Variants in ZSWIM4 observed in about 807,000 individuals in gnomAD.
ZSWIM4 encodes the protein zinc finger SWIM-type containing 4.
ZSWIM4 carries 62 observed loss-of-function variants against 102.5 expected under a neutral mutation model. The observed-to-expected ratio is 0.60, with a 90% CI of 0.49 to 0.75. ZSWIM4 has a LOEUF of 0.75. Ranked by LOEUF, ZSWIM4 falls within the 30% of genes least tolerant of loss-of-function variation. The pLI is 0.00. For missense variants in ZSWIM4, 1,280 were observed against 1,529.6 expected, an observed-to-expected ratio of 0.84 and a Z score of 2.72; for synonymous variants, 652 against 674.5, an observed-to-expected ratio of 0.97 and a Z score of 0.52.
At chr19:13,828,550 T>A in intron 12 of ZSWIM4, 95 bp from the exon 13 acceptor site, 2 of 1,074,644 alleles carry the variant, frequency 1.9e-6, no homozygotes, top group Non-Finnish European at 2.8e-6. Context: ...AGCTTTAACC[T>A]CCAAGTGTTT....
chr19:13,817,869 A>C lies in ZSWIM4; in HGVS notation c.1817A>C (p.Asp606Ala). 1 of 1,555,218 alleles carries C rather than the reference A, an allele frequency of 6.4e-7. No individual in the cohort carries two copies. The highest frequency in any genetic ancestry group is 2.4e-5 in the East Asian group (1 of 41,774). ...RALPEGLYAQ[D>A]KVVRNEEQLL... is the part of the protein sequence containing the mutation. ...CTGCCGGAGGGGCTGTACGCCCAGG[A>C]CAAGGTGGTGCGCAACGAGGAGCAG... Residue 606 changes from aspartate (D) to alanine (A), a missense_variant, in exon 9 of 14, where the codon GAC (aspartate) becomes GCC (alanine). Coordinates refer to ENST00000590508, the MANE Select transcript of ZSWIM4 (RefSeq NM_001367834.3).
chr19:13,826,799 T>C (rs1431817189), intron 12 of ZSWIM4, among the ~76,000 whole-genome samples: 1 of 151,810 alleles, frequency 6.6e-6, no homozygotes, highest in Non-Finnish European at 1.5e-5. Flanking sequence ...ATGCAGGGCC[T>C]GCAACTGAGT....
intron 2 of ZSWIM4, among the ~76,000 whole-genome samples, chr19:13,801,353 C>T (rs1011112669): frequency 5.3e-5 from 8 of 151,982 alleles, no homozygotes; most frequent in Non-Finnish European, 8.8e-5. Context: ...AGTAGTGAGA[C>T]GGAGAGAAGA....
chr19:13,811,597 A>C (rs1305297189), intron 5 of ZSWIM4, among the ~76,000 whole-genome samples: 1 of 152,254 alleles, frequency 6.6e-6, no homozygotes, highest in East Asian at 1.9e-4. Flanking sequence ...TGGAAGGCTG[A>C]GTGAGGCAGG....
At chr19:13,796,706 A>G (rs1020825049) in intron 1 of ZSWIM4, 4 of 152,288 alleles carry the variant, frequency 2.6e-5, no homozygotes, top group African/African-American at 9.7e-5. Context: ...TTCTGGTGGC[A>G]CTGACAGGAT....
At position 13,831,405 on chromosome 19, in the gene ZSWIM4, C is replaced by T. The variant is rs924502757; in HGVS notation, c.*355C>T. 4 of 214,784 alleles carry T rather than the reference C, an allele frequency of 1.9e-5. No homozygotes were observed. Among genetic ancestry groups the T allele is most frequent in the Admixed American group, 5.6e-5 (1 of 17,888 alleles). The allele number at this position is 214,784 out of a possible 1,614,324, so 13.3% of individuals were successfully genotyped here. A position where few individuals can be genotyped will look rare whatever the true frequency, so the allele number is the denominator to read the frequency against. On this transcript the variant is annotated 3_prime_UTR_variant, in exon 14 of 14. Transcript: ENST00000590508. ...CTGGGAGGCAGGACTTTCCAGAAAT[C>T]GACCCTCTAAGTCAATGTAGCACAT...
intron 1 of ZSWIM4, among the ~76,000 whole-genome samples, chr19:13,797,973 T>G (rs1974656170): frequency 6.6e-6 from 1 of 152,202 alleles, no homozygotes; most frequent in African/African-American, 2.4e-5. Context: ...TATAATGTTT[T>G]AAGAAAGCTT....
chr19:13,826,160 A>C (rs1444020503), intron 12 of ZSWIM4, among the ~76,000 whole-genome samples: 1 of 152,098 alleles, frequency 6.6e-6, no homozygotes, highest in Admixed American at 6.5e-5. Flanking sequence ...TATTAATAGA[A>C]TCCGTCTATG....
rs994905599 is a variant in ZSWIM4 at position 13,814,884 on chromosome 19, C to T, written c.1531+19C>T. 5.8e-6 allele frequency: 7 copies of T among 1,210,896 alleles called. No individual in the cohort carries two copies. The highest frequency in any genetic ancestry group is 2.3e-4 in the Middle Eastern group (1 of 4,278). The allele number at this position is 1,210,896 out of a possible 1,614,324, so 75.0% of individuals were successfully genotyped here. A position where few individuals can be genotyped will look rare whatever the true frequency, so the allele number is the denominator to read the frequency against. ...AAAAAAGGTCAGCCTCAGCCGGGCA[C>T]GGGGGCTCGCACCTGTGATCCCAGC... On this transcript the variant is annotated intron_variant, in intron 7 of 13. Coordinates refer to ENST00000590508, the MANE Select transcript of ZSWIM4 (RefSeq NM_001367834.3).
chr19:13,831,182 G>A lies in ZSWIM4; in HGVS notation c.*132G>A. 8.3e-7 allele frequency: 1 copy of A among 1,210,410 alleles called. No individual in the cohort carries two copies. Among genetic ancestry groups the A allele is most frequent in the Non-Finnish European group, 1.1e-6 (1 of 886,470 alleles). 75.0% of individuals were successfully genotyped at this position (1,210,410 alleles called of 1,614,324 possible). ...GGAGCCCGGCTGGAGATGGGGGCAG[G>A]GGGAGCAGCATCCTGCCACGTGTGT... On this transcript the variant is annotated 3_prime_UTR_variant, in exon 14 of 14. Coordinates refer to ENST00000590508, the MANE Select transcript of ZSWIM4 (RefSeq NM_001367834.3).
intron 11 of ZSWIM4, among the ~76,000 whole-genome samples, chr19:13,824,850 G>T (rs1177231836): frequency 6.6e-6 from 1 of 151,900 alleles, no homozygotes; most frequent in East Asian, 1.9e-4. Context: ...ACCCTGTGAG[G>T]TGGGTTCCAT....
chr19:13,802,207 A>G (rs986031918), intron 2 of ZSWIM4, among the ~76,000 whole-genome samples: 1 of 149,174 alleles, frequency 6.7e-6, no homozygotes, highest in African/African-American at 2.5e-5. Context: ...CGATCTCCTG[A>G]CCTAGTGATC....
rs547902221 is a variant in ZSWIM4, at chr19:13,825,655, C to T, written c.2321C>T (p.Pro774Leu). 9.3e-6 allele frequency: 15 copies of T among 1,613,452 alleles called. No individual in the cohort carries two copies. The highest frequency in any genetic ancestry group is 4.0e-5 in the African/African-American group (3 of 74,952). ...LAQDACKTAT[P>L]VSAPPDTTLL... ...CAGGACGCCTGCAAGACAGCCACCC[C>T]GGTCAGCGCCCCACCAGACACCACG... Residue 774 changes from proline (P) to leucine (L), a missense_variant, in exon 12 of 14, where the codon CCG becomes CTG. Pro to Leu is a moderately conservative substitution (Grantham distance 98). Transcript: ENST00000590508. This position sits in a 1 kb window ranked among gnomAD's most constrained non-coding sequence, Gnocchi z 4.6.
chr19:13,809,986 CTTTTCTTTTTT>C lies in ZSWIM4; in HGVS notation c.1012+771_1012+781del, dbSNP rs1399055057. ...TATTTTTGTTTGTTTGTTTTCTTTT[CTTTTCTTTTTT>C]TTTTTTTGAGAAGGAGTCTCGCTCT... On this transcript the variant is annotated intron_variant, in intron 5 of 13. Coordinates refer to ENST00000590508, the MANE Select transcript of ZSWIM4 (RefSeq NM_001367834.3). The surrounding 1 kb of genome is among the most constrained non-coding windows in gnomAD (Gnocchi z 4.2). 6.8e-6 allele frequency among the ~76,000 whole-genome samples: 1 copy of C among 148,082 alleles called. No individual in the cohort carries two copies. The highest frequency in any genetic ancestry group is 2.5e-5 in the African/African-American group (1 of 39,324).
rs777245902 is a variant in ZSWIM4 at position 13,830,834 on chromosome 19, G to A, written c.3105G>A (p.Ala1035=). 79 of 1,609,916 alleles carry A rather than the reference G, an allele frequency of 4.9e-5. No individual in the cohort carries two copies. In the Admixed American group the frequency reaches 1.2e-3, roughly 24 times the overall value. The stretch of plus-strand genomic sequence containing the variant: ...CGCCGCTCTGCCAGCTCCTGGACGC[G>A]GCAGTCACCGCCTACATCACCACCA... The part of the protein sequence containing the change: ...DRAPLCQLLD[A]AVTAYITTSH... Residue 1035 remains alanine (A), a synonymous_variant, in exon 14 of 14, where the codon GCG becomes GCA. Coordinates refer to ENST00000590508, the MANE Select transcript of ZSWIM4 (RefSeq NM_001367834.3).
At chr19:13,803,583 TACACTA>T (rs1974831584) in intron 2 of ZSWIM4, among the ~76,000 whole-genome samples, 1 of 50,704 alleles carries the variant, frequency 2.0e-5, no homozygotes, top group Admixed American at 1.6e-4. Flanking sequence ...AGTTCAAGAC[TACACTA>T]GGTCAGGAGT....
At position 13,831,669 on chromosome 19, in the gene ZSWIM4, C is replaced by T. The variant is rs1975771121; in HGVS notation, c.*619C>T. On this transcript the variant is annotated 3_prime_UTR_variant, in exon 14 of 14. Coordinates refer to ENST00000590508, the MANE Select transcript of ZSWIM4 (RefSeq NM_001367834.3). The stretch of plus-strand genomic sequence containing the variant: ...GGGTGGGCTCAGGGTTGGGGAAGTC[C>T]TCGCTGCCCTCTCTTCTCACCTGCT... The T allele has an allele frequency of 6.5e-6, 1 of 152,816 alleles. No individual in the cohort carries two copies. The highest frequency in any genetic ancestry group is 2.1e-4 in the South Asian group (1 of 4,838). 9.5% of individuals were successfully genotyped at this position (152,816 alleles called of 1,614,324 possible). A position where few individuals can be genotyped will look rare whatever the true frequency, so the allele number is the denominator to read the frequency against.
chr19:13,816,533 A>T (rs1975293070), intron 7 of ZSWIM4, among the ~76,000 whole-genome samples: 1 of 152,178 alleles, frequency 6.6e-6, no homozygotes, highest in South Asian at 2.1e-4. Flanking sequence ...ACACTGAGGC[A>T]GGAGAATCCC....
At position 13,815,456 on chromosome 19, in the gene ZSWIM4, A is replaced by ATTTTTTTTT. The variant is rs758486796; in HGVS notation, c.1531+615_1531+623dup. On this transcript the variant is annotated intron_variant, in intron 7 of 13. Coordinates refer to ENST00000590508, the MANE Select transcript of ZSWIM4 (RefSeq NM_001367834.3). ...CAGGCTTGAGCCACCGTGCCTGGAA[A>ATTTTTTTTT]TTTTTTTTTTTTTTTTTTTTTTTTT... is the stretch of plus-strand genomic sequence containing the variant. The ATTTTTTTTT allele has an allele frequency of 4.6e-4, 27 of 58,176 alleles. 2 individuals are homozygous for ATTTTTTTTT. Among genetic ancestry groups the ATTTTTTTTT allele is most frequent in the African/African-American group, 1.8e-3 (23 of 12,740 alleles). The allele number at this position is 58,176 out of a possible 1,614,324, so 3.6% of individuals were successfully genotyped here. A position where few individuals can be genotyped will look rare whatever the true frequency, so the allele number is the denominator to read the frequency against.
Sources: allele counts gnomAD v4.1 joint callset (sites outside exome capture counted in the v4.1 genomes callset), GRCh38; gene constraint gnomAD v4.1.1; non-coding constraint Gnocchi (gnomAD v3.1); transcripts MANE v1.5; gene names NCBI Gene and HGNC (gene_info 2026-07-23, HGNC 2026-07-21).